Variants in TAPBPL observed in about 807,000 individuals in gnomAD.
TAPBPL encodes tapasin-related protein.
Under a neutral mutation model 44.8 loss-of-function variants are expected in TAPBPL, and 32 were observed. That is an observed-to-expected ratio of 0.71 (90% CI 0.54 to 0.96). The LOEUF is 0.96. Ranked by LOEUF, TAPBPL falls within the 40% of genes least tolerant of loss-of-function variation. The pLI is 0.00. For synonymous variants in TAPBPL, 230 were observed against 240.7 expected (o/e 0.96, Z 0.41); for missense variants, 520 against 586.6 (o/e 0.89, Z 1.17).
chr12:6,455,737 C>G (rs1405053582), intron 3 of TAPBPL, among the ~76,000 whole-genome samples: 1 of 150,612 alleles, frequency 6.6e-6, no homozygotes, highest in Non-Finnish European at 1.5e-5. Flanking sequence ...TGAGTCCTGT[C>G]TGGGCAACAT....
downstream of TAPBPL, chr12:6,470,598 CGCT>C (rs2137017630): frequency 1.2e-6 from 2 of 1,604,996 alleles, no homozygotes; most frequent in Non-Finnish European, 1.7e-6. Context: ...CGGTGAGGGA[CGCT>C]GCGGCTGAAG....
At chr12:6,463,046 C>G, downstream of TAPBPL, 1 of 1,543,426 alleles carries the variant, frequency 6.5e-7, no homozygotes. The surrounding 1 kb of genome is among the most constrained non-coding windows in gnomAD (Gnocchi z 4.0). Context: ...CCCTCCTCCC[C>G]TTGCACCTGG....
chr12:6,454,682 C>G (rs2079866), intron 3 of TAPBPL, among the ~76,000 whole-genome samples: 32,679 of 152,050 alleles, frequency 0.21, 4,344 homozygotes, highest in East Asian at 0.33. Context: ...CCGGTTTTCT[C>G]CCAGTGAAAT....
intron 1 of TAPBPL, 89 bp downstream of exon 1, chr12:6,452,401 G>T (rs1949573183): frequency 2.0e-6 from 3 of 1,507,712 alleles, no homozygotes; most frequent in Admixed American, 2.2e-5. Context: ...GAAGAGCAAA[G>T]GGGCCGGGGA....
At position 6,462,066 on chromosome 12, in the gene TAPBPL, C is replaced by A. The variant is rs138172426; in HGVS notation, c.1324C>A (p.Arg442Ser). ...AGGACTTGGGCTGCTTCAGGCTGAACGCTGGGAGACCACTTCCTGTGCTGA... is the reference window on the plus strand; with the variant it reads ...AGGACTTGGGCTGCTTCAGGCTGAAAGCTGGGAGACCACTTCCTGTGCTGA... ...PTGLGLLQAERWETTSCADTQ... is the reference protein window; with the variant it reads ...PTGLGLLQAESWETTSCADTQ... The change falls in exon 7 of 7, where the codon CGC becomes AGC. Residue 442 changes from arginine to serine, a missense_variant. Physicochemically the swap from Arg to Ser is moderately radical, Grantham distance 110 (BLOSUM62 -1). Coordinates refer to ENST00000266556, the MANE Select transcript of TAPBPL (RefSeq NM_018009.5). 1 of 1,613,728 alleles carries A rather than the reference C, an allele frequency of 6.2e-7. No individual in the cohort carries two copies.
At chr12:6,468,822 A>C (rs1945696558), downstream of TAPBPL, among the ~76,000 whole-genome samples, 1 of 152,192 alleles carries the variant, frequency 6.6e-6, no homozygotes, top group South Asian at 2.1e-4. Flanking sequence ...CCAAGGAAGC[A>C]CCCACAGGCA....
At position 6,453,884 on chromosome 12, in the gene TAPBPL, G is replaced by T. The variant is rs1374300947; in HGVS notation, c.565+168G>T. On this transcript the variant is annotated intron_variant, in intron 3 of 6. Transcript: ENST00000266556. The surrounding 1 kb of genome is among the most constrained non-coding windows in gnomAD (Gnocchi z 4.8). Reference sequence around the variant, plus strand: ...ACCAAAATTAGCCGGGCATGGTGGCGGGTGCCTGTAATCCCAGCTACGAGG... The same window carrying T: ...ACCAAAATTAGCCGGGCATGGTGGCTGGTGCCTGTAATCCCAGCTACGAGG... 6.6e-6 allele frequency among the ~76,000 whole-genome samples: 1 copy of T among 151,148 alleles called. No homozygotes were observed. The highest frequency in any genetic ancestry group is 1.5e-5 in the Non-Finnish European group (1 of 67,692).
chr12:6,466,494 G>A (rs1950029185), downstream of TAPBPL: 7 of 795,812 alleles, frequency 8.8e-6, no homozygotes, highest in Non-Finnish European at 1.3e-5. Flanking sequence ...GCCAGCCTGG[G>A]CATCATAGCG....
At chr12:6,454,808 G>A (rs1949661984) in intron 3 of TAPBPL, among the ~76,000 whole-genome samples, 1 of 152,264 alleles carries the variant, frequency 6.6e-6, no homozygotes, top group South Asian at 2.1e-4. Context: ...GAGGGCACAA[G>A]AAATTGAGAA....
Position 6,462,050 on chromosome 12 carries a change from G to A in TAPBPL, c.1308G>A (p.Gly436=). Residue 436 remains glycine (G), a synonymous_variant, in exon 7 of 7, where the codon GGG becomes GGA. Coordinates refer to ENST00000266556, the MANE Select transcript of TAPBPL (RefSeq NM_018009.5). ...TCTTACCAGCACCTACAGGACTTGG[G>A]CTGCTTCAGGCTGAACGCTGGGAGA... is the stretch of plus-strand genomic sequence containing the variant. ...LQRRQAPTGL[G]LLQAERWETT... The A allele has an allele frequency of 6.2e-7, 1 of 1,613,228 alleles. No individual in the cohort carries two copies. The highest frequency in any genetic ancestry group is 1.3e-5 in the African/African-American group (1 of 75,036).
chr12:6,464,182 C>G, downstream of TAPBPL: 1 of 1,459,130 alleles, frequency 6.9e-7, no homozygotes, highest in Non-Finnish European at 9.1e-7. Flanking sequence ...TTCCCTTGGC[C>G]TCCAACTCTT....
downstream of TAPBPL, chr12:6,470,463 C>T: frequency 6.2e-7 from 1 of 1,610,086 alleles, no homozygotes; most frequent in Non-Finnish European, 8.5e-7. Context: ...TTCCGTCCCG[C>T]AGAATCGGGA....
chr12:6,465,985 G>A (rs556506656), downstream of TAPBPL: 12 of 1,614,230 alleles, frequency 7.4e-6, no homozygotes, highest in South Asian at 5.5e-5. Context: ...ACGTTCACAC[G>A]TATGATGTCC....
downstream of TAPBPL, chr12:6,470,441 C>T: frequency 6.3e-7 from 1 of 1,588,250 alleles, no homozygotes; most frequent in Admixed American, 1.7e-5. Flanking sequence ...GCAGCTGCTG[C>T]ATTGCGCCAT....
rs887043741 is a variant in TAPBPL at position 6,453,410 on chromosome 12, C to T, written c.296-37C>T. ...TCCCGTTGGCCCTGGTGTTCTCACG[C>T]TAATTTGCCCTCTGTGTGTGCCCTG... On this transcript the variant is annotated intron_variant, in intron 2 of 6. Coordinates refer to ENST00000266556, the MANE Select transcript of TAPBPL (RefSeq NM_018009.5). This position sits in a 1 kb window ranked among gnomAD's most constrained non-coding sequence, Gnocchi z 4.8. 6.2e-7 allele frequency: 1 copy of T among 1,611,332 alleles called. No individual in the cohort carries two copies. The highest frequency in any genetic ancestry group is 1.1e-5 in the South Asian group (1 of 90,756).
chr12:6,460,059 C>T (rs1352162014), intron 5 of TAPBPL, among the ~76,000 whole-genome samples: 1 of 151,798 alleles, frequency 6.6e-6, no homozygotes, highest in African/African-American at 2.4e-5. Flanking sequence ...TATGAGCCAC[C>T]GCACCCTGCC....
chr12:6,453,299 T>TAAAA lies in TAPBPL; in HGVS notation c.295+3_295+6dup. ...CACCTATTATCTTTGAGGCCTCAGGTAAAAGCCTTCCACCTGTGTCCTTGG... is the reference window on the plus strand; with the variant it reads ...CACCTATTATCTTTGAGGCCTCAGGTAAAAAAAAGCCTTCCACCTGTGTCCTTGG... On this transcript the variant is annotated splice_region_variant and intron_variant, in intron 2 of 6. Transcript: ENST00000266556. This position sits in a 1 kb window ranked among gnomAD's most constrained non-coding sequence, Gnocchi z 4.8. The TAAAA allele has an allele frequency of 1.9e-6, 3 of 1,613,566 alleles. No homozygotes were observed. The South Asian group carries it at 3.3e-5, about 18-fold the overall frequency.
rs753034099 is a variant in TAPBPL, at chr12:6,458,899, A to C, written c.1159A>C (p.Ile387Leu). Residue 387 changes from isoleucine to leucine, a missense_variant, in exon 5 of 7, where the codon ATC becomes CTC. Ile to Leu is a conservative substitution (Grantham distance 5). Coordinates refer to ENST00000266556, the MANE Select transcript of TAPBPL (RefSeq NM_018009.5). Reference protein sequence around the residue: ...GATYTCQVTHISLEEPLGAST... With the variant: ...GATYTCQVTHLSLEEPLGAST... ...CACTTACACCTGCCAGGTCACACACATCTCTCTGGAGGAGCCCCTTGGGGC... is the reference window on the plus strand; with the variant it reads ...CACTTACACCTGCCAGGTCACACACCTCTCTCTGGAGGAGCCCCTTGGGGC... 8.7e-6 allele frequency: 14 copies of C among 1,614,052 alleles called. No homozygotes were observed. Among genetic ancestry groups the C allele is most frequent in the South Asian group, 2.2e-5 (2 of 91,074 alleles).
downstream of TAPBPL, among the ~76,000 whole-genome samples, chr12:6,467,831 G>T (rs913647924): frequency 6.6e-6 from 1 of 152,240 alleles, no homozygotes; most frequent in East Asian, 1.9e-4. Context: ...GGCTGAGAGG[G>T]GCCAATGCAG....
Sources: gnomAD v4.1 joint callset for allele counts (sites outside exome capture counted in the v4.1 genomes callset) on GRCh38, gnomAD v4.1.1 for gene constraint, Gnocchi (gnomAD v3.1) non-coding constraint, MANE v1.5 for transcripts, NCBI Gene and HGNC (gene_info 2026-07-23, HGNC 2026-07-21) for gene names.